Variants in HPGD observed in about 807,000 individuals in gnomAD.
HPGD encodes 15-hydroxyprostaglandin dehydrogenase, also known as 15-hydroxyprostaglandin dehydrogenase [NAD(+)].
HPGD carries 29 observed loss-of-function variants against 30.0 expected under a neutral mutation model. The ratio of observed to expected loss-of-function variants is 0.97; its 90% confidence interval spans 0.72 to 1.32. The LOEUF (loss-of-function observed/expected upper bound fraction) is 1.32. Among genes scored for constraint, HPGD ranks in the 40% most tolerant of loss-of-function variants. HPGD has a pLI of 0.00. For missense variants in HPGD, 340 were observed against 322.1 expected, an observed-to-expected ratio of 1.06 and a Z score of -0.43; for synonymous variants, 99 against 112.4, an observed-to-expected ratio of 0.88 and a Z score of 0.75.
In HPGD at chr4:174,491,842, T is replaced by G; in HGVS notation, c.*114A>C. 1.0e-6 allele frequency: 1 copy of G among 1,003,576 alleles called. No individual in the cohort carries two copies. Among genetic ancestry groups the G allele is most frequent in the African/African-American group, 1.6e-5 (1 of 62,842 alleles). 62.2% of individuals were successfully genotyped at this position (1,003,576 alleles called of 1,614,324 possible). Reference sequence around the variant, plus strand: ...TAGAAAACGTTTATCACCAAGTGCATGAAGGAAAACTTCAAACTGTAACAT... The same window carrying G: ...TAGAAAACGTTTATCACCAAGTGCAGGAAGGAAAACTTCAAACTGTAACAT... On this transcript the variant is annotated 3_prime_UTR_variant, in exon 7 of 7. Transcript: ENST00000296522.
At chr4:174,522,325 C>T in intron 1 of HPGD, 34 bp downstream of exon 1, 1 of 1,531,278 alleles carries the variant, frequency 6.5e-7, no homozygotes, top group South Asian at 1.2e-5. Flanking sequence ...AGTGTGTGGG[C>T]AGAGAAATTT....
At chr4:174,504,188 T>C (rs940826939) in intron 4 of HPGD, among the ~76,000 whole-genome samples, 1 of 152,198 alleles carries the variant, frequency 6.6e-6, no homozygotes, top group Non-Finnish European at 1.5e-5. Flanking sequence ...AGTTGAAATT[T>C]TTATTTAAGG....
rs191505899 is a variant in HPGD at position 174,518,874 on chromosome 4, G to T, written c.218-797C>A. 2.0e-3 allele frequency among the ~76,000 whole-genome samples: 311 copies of T among 152,100 alleles called. 2 individuals are homozygous for T. Among genetic ancestry groups the T allele is most frequent in the African/African-American group, 7.1e-3 (295 of 41,458 alleles). On this transcript the variant is annotated intron_variant, in intron 2 of 6. Transcript: ENST00000296522. ...TCTAATTGATTTAAACTGTTTCCCC[G>T]GGCCTTTGATCATTCATTCTACTTC... is the stretch of plus-strand genomic sequence containing the variant.
chr4:174,502,918 G>A (rs1665820626), intron 4 of HPGD, among the ~76,000 whole-genome samples: 1 of 152,084 alleles, frequency 6.6e-6, no homozygotes, highest in Non-Finnish European at 1.5e-5. Flanking sequence ...GGTTCAAGGA[G>A]CGGTATCACC....
chr4:174,506,328 T>C (rs1322218404), intron 4 of HPGD, among the ~76,000 whole-genome samples: 2 of 152,220 alleles, frequency 1.3e-5, no homozygotes, highest in Non-Finnish European at 1.5e-5. Context: ...GCTGTGCCCA[T>C]GAAGCCTGAA....
chr4:174,500,606 G>A (rs942742613), intron 4 of HPGD, among the ~76,000 whole-genome samples: 7 of 152,152 alleles, frequency 4.6e-5, no homozygotes, highest in African/African-American at 9.7e-5. Context: ...TGGAGGAAAC[G>A]TAAATGCATA....
chr4:174,497,217 G>T lies in HPGD; in HGVS notation c.422-1593C>A, dbSNP rs984598584. On this transcript the variant is annotated intron_variant, in intron 4 of 6. Transcript: ENST00000296522. Reference sequence around the variant, plus strand: ...AATCAGAGATAAACTAGTTCACACAGCCGCAAGAACTACAAAGACATTGTT... The same window carrying T: ...AATCAGAGATAAACTAGTTCACACATCCGCAAGAACTACAAAGACATTGTT... Among the ~76,000 whole-genome samples, 9 of 152,288 alleles carry T rather than the reference G, an allele frequency of 5.9e-5. 1 individual carries two copies. The highest frequency in any genetic ancestry group is 1.9e-4 in the East Asian group (1 of 5,186).
intron 4 of HPGD, among the ~76,000 whole-genome samples, chr4:174,501,086 C>A (rs1734878784): frequency 6.6e-6 from 1 of 152,076 alleles, no homozygotes; most frequent in Non-Finnish European, 1.5e-5. Flanking sequence ...GTGTTTAGTT[C>A]CTTTTAAATG....
At chr4:174,516,832 T>G (rs1167586947) in intron 3 of HPGD, among the ~76,000 whole-genome samples, 1 of 152,192 alleles carries the variant, frequency 6.6e-6, no homozygotes, top group African/African-American at 2.4e-5. Context: ...AGTTAGGTAA[T>G]TACTCATGGG....
At chr4:174,495,182 T>C (rs530683224) in intron 5 of HPGD, among the ~76,000 whole-genome samples, 13 of 152,324 alleles carry the variant, frequency 8.5e-5, no homozygotes, top group Non-Finnish European at 1.9e-4. Context: ...TCTCACTCCT[T>C]TTCATCGTAT....
At position 174,490,902 on chromosome 4, in the gene HPGD, G is replaced by A. The variant is rs1049725835; in HGVS notation, c.*1054C>T. On this transcript the variant is annotated 3_prime_UTR_variant, in exon 7 of 7. Transcript: ENST00000296522. This position sits in a 1 kb window ranked among gnomAD's most constrained non-coding sequence, Gnocchi z 4.4. ...GCAAAGAGTTTTACCCAAAGCAGGTGTATTTAATGATTCTTAAGATAGCTG... is the reference window on the plus strand; with the variant it reads ...GCAAAGAGTTTTACCCAAAGCAGGTATATTTAATGATTCTTAAGATAGCTG... The A allele has an allele frequency of 5.3e-5, 8 of 152,260 alleles. No homozygotes were observed. Among genetic ancestry groups the A allele is most frequent in the South Asian group, 2.1e-4 (1 of 4,828 alleles). The allele number at this position is 152,260 out of a possible 1,614,324, so 9.4% of individuals were successfully genotyped here. A position where few individuals can be genotyped will look rare whatever the true frequency, so the allele number is the denominator to read the frequency against.
intron 3 of HPGD, among the ~76,000 whole-genome samples, chr4:174,514,934 AAATACCTATG>A (rs1217484279): frequency 1.3e-5 from 2 of 152,296 alleles, no homozygotes; most frequent in African/African-American, 4.8e-5. Context: ...AAAAAGAATA[AAATACCTATG>A]AATACAGCTC....
At chr4:174,509,579 T>A (rs979266276) in intron 3 of HPGD, among the ~76,000 whole-genome samples, 1 of 152,138 alleles carries the variant, frequency 6.6e-6, no homozygotes, top group Non-Finnish European at 1.5e-5. Context: ...TATATGAATG[T>A]CGTAACTTAA....
chr4:174,500,285 C>T (rs553755074), intron 4 of HPGD, among the ~76,000 whole-genome samples: 1 of 152,286 alleles, frequency 6.6e-6, no homozygotes, highest in South Asian at 2.1e-4. Flanking sequence ...TGTCAAGAAA[C>T]AAGAACTCCA....
intron 4 of HPGD, among the ~76,000 whole-genome samples, chr4:174,501,546 T>C (rs763366166): frequency 4.6e-5 from 7 of 152,106 alleles, no homozygotes; most frequent in Non-Finnish European, 8.8e-5. Context: ...CTTTTTAAAA[T>C]ATACCAAGTA....
intron 3 of HPGD, among the ~76,000 whole-genome samples, chr4:174,515,343 G>A (rs1396958765): frequency 6.6e-6 from 1 of 151,982 alleles, no homozygotes; most frequent in Admixed American, 6.6e-5. Context: ...GCATGGAGAA[G>A]CCAGAAATAA....
At chr4:174,507,997 G>A in intron 4 of HPGD, 2 of 623,344 alleles carry the variant, frequency 3.2e-6, no homozygotes, top group South Asian at 3.7e-5. Flanking sequence ...TGAAATGTGA[G>A]CAGAAGGTCT....
In HPGD at chr4:174,494,784, G is replaced by A. The variant is rs1468872536; in HGVS notation, c.498+764C>T. Among the ~76,000 whole-genome samples the A allele has an allele frequency of 1.3e-5, 2 of 152,056 alleles. No individual in the cohort carries two copies. The highest frequency in any genetic ancestry group is 3.9e-4 in the East Asian group (2 of 5,184). ...ACACTTGTCTTTTGTAACACAATTT[G>A]CAAAAGCAGACAGAATGGTCTTCTT... On this transcript the variant is annotated intron_variant, in intron 5 of 6. Coordinates refer to ENST00000296522, the MANE Select transcript of HPGD (RefSeq NM_000860.6). The surrounding 1 kb of genome is among the most constrained non-coding windows in gnomAD (Gnocchi z 4.9).
At chr4:174,522,123 AAACAAT>A (rs1736168962) in intron 1 of HPGD, 56 bp from the exon 2 acceptor site, 2 of 1,612,710 alleles carry the variant, frequency 1.2e-6, no homozygotes, top group East Asian at 4.5e-5. Context: ...ATAGACGGAC[AAACAAT>A]AAACACACAA....
Sources: allele counts gnomAD v4.1 joint callset (sites outside exome capture counted in the v4.1 genomes callset), GRCh38; gene constraint gnomAD v4.1.1; non-coding constraint Gnocchi (gnomAD v3.1); transcripts MANE v1.5; gene names NCBI Gene and HGNC (gene_info 2026-07-23, HGNC 2026-07-21).